Variants in NIPAL2 observed in about 807,000 individuals in gnomAD.
The protein encoded by NIPAL2 is NIPA-like protein 2.
Under a neutral mutation model 48.9 loss-of-function variants are expected in NIPAL2, and 43 were observed. The ratio of observed to expected loss-of-function variants is 0.88; its 90% CI spans 0.69 to 1.13. The LOEUF (loss-of-function observed/expected upper bound fraction) is 1.13, where lower values mean the gene tolerates loss of function less well. Ranked by LOEUF, NIPAL2 falls within the 50% of genes most tolerant of loss-of-function variation. NIPAL2 has a pLI of 0.00. For synonymous variants in NIPAL2, 167 were observed against 174.6 expected (o/e 0.96, Z 0.34); for missense variants, 446 against 461.4 (o/e 0.97, Z 0.31).
chr8:98,271,717 C>G (rs915916199), intron 1 of NIPAL2, among the ~76,000 whole-genome samples: 1 of 151,706 alleles, frequency 6.6e-6, no homozygotes, highest in East Asian at 1.9e-4. Flanking sequence ...GTGGATAGGA[C>G]TTTTATGTTG....
At chr8:98,247,988 T>C (rs1362557620) in intron 3 of NIPAL2, among the ~76,000 whole-genome samples, 6 of 152,244 alleles carry the variant, frequency 3.9e-5, no homozygotes, top group African/African-American at 7.2e-5. Flanking sequence ...AGAACACAAG[T>C]GCTTTGAAGC....
chr8:98,221,151 T>A (rs1383616774), intron 5 of NIPAL2, among the ~76,000 whole-genome samples: 1 of 151,906 alleles, frequency 6.6e-6, no homozygotes, highest in African/African-American at 2.4e-5. Flanking sequence ...AATTTTTGTA[T>A]TTTTAGTAGA....
chr8:98,236,709 G>A lies in NIPAL2; in HGVS notation c.377-495C>T, dbSNP rs1343806706. Among the ~76,000 whole-genome samples the A allele has an allele frequency of 2.0e-5, 3 of 151,786 alleles. No homozygotes were observed. The East Asian group carries it at 5.8e-4, about 29-fold the overall frequency. On this transcript the variant is annotated intron_variant, in intron 3 of 10. Coordinates refer to ENST00000430223, the MANE Select transcript of NIPAL2 (RefSeq NM_001321635.2). ...CTACTTAAAATACAAAAAATTAGTG[G>A]GGCATGGTGGCGTGGGCCTGTAGTC...
rs552851202 is a variant in NIPAL2 at position 98,260,436 on chromosome 8, C to T, written c.136-6349G>A. ...GTGGGTGCGCGCACCGTGTGCGAGC[C>T]GAAGCAGGGCGAGGCATTGCCTCAC... On this transcript the variant is annotated intron_variant, in intron 1 of 10. Coordinates refer to ENST00000430223, the MANE Select transcript of NIPAL2 (RefSeq NM_001321635.2). 3.3e-3 allele frequency among the ~76,000 whole-genome samples: 499 copies of T among 152,254 alleles called. 1 individual carries two copies. The highest frequency in any genetic ancestry group is 0.011 in the African/African-American group (457 of 41,550).
chr8:98,241,874 A>G (rs1180541558), intron 3 of NIPAL2, among the ~76,000 whole-genome samples: 3 of 152,204 alleles, frequency 2.0e-5, no homozygotes, highest in Admixed American at 1.3e-4. Context: ...TGGCATTGTT[A>G]TACTCATTTT....
chr8:98,246,956 C>A (rs532965199), intron 3 of NIPAL2, among the ~76,000 whole-genome samples: 2 of 152,250 alleles, frequency 1.3e-5, no homozygotes, highest in Admixed American at 1.3e-4. Flanking sequence ...TTGTTGATAA[C>A]TTCATTGTTT....
intron 3 of NIPAL2, among the ~76,000 whole-genome samples, chr8:98,242,168 A>C (rs1813013353): frequency 6.6e-6 from 1 of 152,152 alleles, no homozygotes; most frequent in African/African-American, 2.4e-5. Flanking sequence ...AAAATTCCTA[A>C]AAGAGTAGAT....
intron 4 of NIPAL2, among the ~76,000 whole-genome samples, chr8:98,229,857 T>G (rs1812353832): frequency 6.6e-6 from 1 of 152,200 alleles, no homozygotes; most frequent in African/African-American, 2.4e-5. Context: ...ACTAATTTAA[T>G]CCTCACAACA....
At chr8:98,246,138 TA>T (rs933473437) in intron 3 of NIPAL2, among the ~76,000 whole-genome samples, 3 of 152,200 alleles carry the variant, frequency 2.0e-5, no homozygotes, top group African/African-American at 7.2e-5. Context: ...TTGTTTCTAA[TA>T]AAAATCTTGG....
rs114343943 is a variant in NIPAL2 at position 98,227,377 on chromosome 8, A to G, written c.437-4777T>C. ...ATATGCTGGGCCACACCTGAAGCTA[A>G]TACATCTCTGAGTCTCACCCAAGGC... On this transcript the variant is annotated intron_variant, in intron 4 of 10. Transcript: ENST00000430223. 5.9e-3 allele frequency among the ~76,000 whole-genome samples: 903 copies of G among 152,270 alleles called. 10 individuals carry two copies. Among genetic ancestry groups the G allele is most frequent in the African/African-American group, 0.021 (863 of 41,542 alleles).
chr8:98,274,924 A>G (rs1248445052), intron 1 of NIPAL2, among the ~76,000 whole-genome samples: 1 of 152,090 alleles, frequency 6.6e-6, no homozygotes, highest in Non-Finnish European at 1.5e-5. Flanking sequence ...TCTTCTGGTT[A>G]GGAAGTTATA....
chr8:98,234,363 T>G (rs1220440174), intron 4 of NIPAL2, among the ~76,000 whole-genome samples: 1 of 152,102 alleles, frequency 6.6e-6, no homozygotes, highest in Non-Finnish European at 1.5e-5. Flanking sequence ...AGTCAGCAAA[T>G]CCCCCTTTAT....
At chr8:98,194,707 A>T in intron 10 of NIPAL2, 21 bp downstream of exon 10, 1 of 1,396,958 alleles carries the variant, frequency 7.2e-7, no homozygotes. Flanking sequence ...ATTTTCCACT[A>T]TAAAGAATAT....
chr8:98,269,725 T>C (rs1815010099), intron 1 of NIPAL2, among the ~76,000 whole-genome samples: 1 of 152,148 alleles, frequency 6.6e-6, no homozygotes, highest in Admixed American at 6.6e-5. Context: ...GGGGTACATG[T>C]GCAGATTTGT....
chr8:98,222,098 G>A (rs1471723845), intron 5 of NIPAL2, among the ~76,000 whole-genome samples: 2 of 152,154 alleles, frequency 1.3e-5, no homozygotes, highest in African/African-American at 2.4e-5. Flanking sequence ...GGAATACTAT[G>A]TAGCCATAAA....
chr8:98,190,033 T>A lies in NIPAL2; in HGVS notation c.*2945A>T, dbSNP rs1193995587. On this transcript the variant is annotated 3_prime_UTR_variant, in exon 11 of 11. Transcript: ENST00000430223. Reference sequence around the variant, plus strand: ...TGTGGAATTGGAGAGGCTTTTCGAATGTAGTTAGTGGTGTTCACAAAAGAA... The same window carrying A: ...TGTGGAATTGGAGAGGCTTTTCGAAAGTAGTTAGTGGTGTTCACAAAAGAA... 1 of 152,248 alleles carries A rather than the reference T, an allele frequency of 6.6e-6. No homozygotes were observed. The highest frequency in any genetic ancestry group is 1.5e-5 in the Non-Finnish European group (1 of 68,050). The allele number at this position is 152,248 out of a possible 1,614,324, so 9.4% of individuals were successfully genotyped here. A position where few individuals can be genotyped will look rare whatever the true frequency, so the allele number is the denominator to read the frequency against.
intron 1 of NIPAL2, among the ~76,000 whole-genome samples, chr8:98,263,079 A>G (rs1487537448): frequency 6.7e-6 from 1 of 149,436 alleles, no homozygotes; most frequent in African/African-American, 2.5e-5. Context: ...TTTGAAACCA[A>G]CGAGAACAAA....
intron 1 of NIPAL2, among the ~76,000 whole-genome samples, chr8:98,284,444 A>T (rs1022733089): frequency 6.6e-6 from 1 of 150,398 alleles, no homozygotes; most frequent in Admixed American, 6.6e-5. Context: ...ACACACACAT[A>T]CACACACAAT....
intron 6 of NIPAL2, among the ~76,000 whole-genome samples, chr8:98,207,861 T>G (rs1395375626): frequency 6.6e-6 from 1 of 152,256 alleles, no homozygotes; most frequent in African/African-American, 2.4e-5. Flanking sequence ...TCATTAAGTA[T>G]TCTTCTAAAC....
Sources: allele counts gnomAD v4.1 joint callset (sites outside exome capture counted in the v4.1 genomes callset), GRCh38; gene constraint gnomAD v4.1.1; transcripts MANE v1.5; gene names NCBI Gene and HGNC (gene_info 2026-07-23, HGNC 2026-07-21).